MICU3: variants seen among roughly 807,000 people sequenced by gnomAD.
MICU3 encodes the protein mitochondrial calcium uptake 3.
In MICU3, 62 loss-of-function variants were observed where a neutral mutation model predicts 66.5. The observed-to-expected ratio is 0.93, with a 90% CI of 0.76 to 1.15. MICU3 has a LOEUF of 1.15. MICU3 is among the 50% of genes most tolerant of loss of function. MICU3 has a pLI of 0.00. For synonymous variants in MICU3, 308 were observed against 240.7 expected (o/e 1.28, Z -2.59); for missense variants, 779 against 664.4 (o/e 1.17, Z -1.90).
chr8:17,063,711 G>A (rs1055099339), intron 1 of MICU3, among the ~76,000 whole-genome samples: 4 of 152,130 alleles, frequency 2.6e-5, no homozygotes, highest in Non-Finnish European at 4.4e-5. Context: ...AAATACATTA[G>A]CCTATAAGAG....
At chr8:17,039,895 C>CTTTTTTTTTTTTTTTTTTTTTT (rs35133600) in intron 1 of MICU3, among the ~76,000 whole-genome samples, 1 of 62,492 alleles carries the variant, frequency 1.6e-5, no homozygotes, top group Admixed American at 2.9e-4. Flanking sequence ...ATCTTGCATT[C>CTTTTTTTTTTTTTTTTTTTTTT]TTTTTTTTTT....
chr8:17,085,200 C>T (rs2150738459), intron 5 of MICU3, 36 bp from the exon 6 acceptor site: 5 of 1,422,250 alleles, frequency 3.5e-6, no homozygotes, highest in Non-Finnish European at 4.9e-6. Flanking sequence ...ATACATTTTT[C>T]CATTTTGTGA....
At chr8:17,129,154 C>G in the MICU3 span, among the ~76,000 whole-genome samples, 5,633 of 152,284 alleles carry the variant, frequency 0.037, 150 homozygotes, top group Non-Finnish European at 0.056. Flanking sequence ...GCTATCCTAT[C>G]AGTACCGCAG....
Position 17,050,862 on chromosome 8 carries a change from G to A in MICU3, c.382-13222G>A, listed in dbSNP as rs1815954566. Among the ~76,000 whole-genome samples the A allele has an allele frequency of 3.3e-5, 5 of 152,032 alleles. No homozygotes were observed. In the East Asian group the frequency reaches 9.6e-4, roughly 29 times the overall value. On this transcript the variant is annotated intron_variant, in intron 1 of 14. Coordinates refer to ENST00000318063, the MANE Select transcript of MICU3 (RefSeq NM_181723.3). Reference sequence around the variant, plus strand: ...AGAGTTGCTCTTTTTCAATGGGGGGGTTTAAACCTATCCTATTTATTGTGA... The same window carrying A: ...AGAGTTGCTCTTTTTCAATGGGGGGATTTAAACCTATCCTATTTATTGTGA...
intron 1 of MICU3, among the ~76,000 whole-genome samples, chr8:17,042,906 A>G (rs1814415823): frequency 6.7e-6 from 1 of 149,108 alleles, no homozygotes; most frequent in East Asian, 2.0e-4. Context: ...TAGATGGTTT[A>G]AACTGCTTGT....
chr8:17,068,294 TC>T (rs1034320648), intron 2 of MICU3, among the ~76,000 whole-genome samples: 5 of 152,266 alleles, frequency 3.3e-5, no homozygotes, highest in South Asian at 2.1e-4. Flanking sequence ...TGGTGACATT[TC>T]CGACAGAATG....
intron 1 of MICU3, among the ~76,000 whole-genome samples, chr8:17,039,556 T>G (rs1813669764): frequency 1.3e-5 from 2 of 152,204 alleles, no homozygotes; most frequent in Admixed American, 6.5e-5. Context: ...TCAGTTTTAG[T>G]AAATATTTGG....
In MICU3 at chr8:17,086,265, A is replaced by G. The variant is rs544929586; in HGVS notation, c.778-699A>G. ...AGAAGCTGAAACTCAGAGGAAGTCT[A>G]TGACATCATTCTTTTTCTTAGTAGG... is the stretch of plus-strand genomic sequence containing the variant. On this transcript the variant is annotated intron_variant, in intron 6 of 14. Coordinates refer to ENST00000318063, the MANE Select transcript of MICU3 (RefSeq NM_181723.3). Among the ~76,000 whole-genome samples, 3 of 152,290 alleles carry G rather than the reference A, an allele frequency of 2.0e-5. No individual in the cohort carries two copies. In the South Asian group the frequency reaches 6.2e-4, roughly 32 times the overall value.
the MICU3 span, among the ~76,000 whole-genome samples, chr8:17,136,836 C>G: frequency 4.6e-5 from 7 of 150,568 alleles, no homozygotes; most frequent in Non-Finnish European, 8.9e-5. Flanking sequence ...GGGAGATAAA[C>G]CTTTTTTTTT....
intron 1 of MICU3, among the ~76,000 whole-genome samples, chr8:17,058,056 G>A (rs1250420791): frequency 6.6e-6 from 1 of 152,002 alleles, no homozygotes; most frequent in Non-Finnish European, 1.5e-5. Flanking sequence ...CACCATGTTG[G>A]CCAGGCTGGT....
Position 17,120,294 on chromosome 8 carries a change from C to A in MICU3, c.*7C>A, listed in dbSNP as rs1396146695. ...TATTATTTTTTTTAATTAGATACTC[C>A]TAAAACAAAGTTTAAAGGATTACTA... On this transcript the variant is annotated 3_prime_UTR_variant, in exon 15 of 15. Coordinates refer to ENST00000318063, the MANE Select transcript of MICU3 (RefSeq NM_181723.3). The A allele has an allele frequency of 6.6e-6, 1 of 151,690 alleles. No individual in the cohort carries two copies. Among genetic ancestry groups the A allele is most frequent in the Non-Finnish European group, 1.5e-5 (1 of 67,954 alleles). The allele number at this position is 151,690 out of a possible 1,614,324, so 9.4% of individuals were successfully genotyped here. A position where few individuals can be genotyped will look rare whatever the true frequency, so the allele number is the denominator to read the frequency against.
intron 8 of MICU3, 74 bp from the exon 9 acceptor site, chr8:17,098,384 A>C: frequency 9.8e-7 from 1 of 1,024,032 alleles, no homozygotes; most frequent in Non-Finnish European, 1.5e-6. Flanking sequence ...GGTTGGTTAG[A>C]TTTAAAGTGT....
intron 11 of MICU3, among the ~76,000 whole-genome samples, chr8:17,108,043 G>T (rs1801887960): frequency 6.6e-6 from 1 of 152,102 alleles, no homozygotes; most frequent in Non-Finnish European, 1.5e-5. Flanking sequence ...CATTTAAAAA[G>T]TAGAGCTGAT....
At chr8:17,123,765 T>C (rs1462240095), downstream of MICU3, among the ~76,000 whole-genome samples, 1 of 151,960 alleles carries the variant, frequency 6.6e-6, no homozygotes, top group Non-Finnish European at 1.5e-5. Context: ...CTGAAAAAAG[T>C]AGGAGGTCCA....
intron 3 of MICU3, among the ~76,000 whole-genome samples, chr8:17,072,244 CA>C (rs552866364): frequency 1.5e-3 from 224 of 152,140 alleles, no homozygotes; most frequent in African/African-American, 5.1e-3. Context: ...AATCCAGAAA[CA>C]GATCCAGGTA....
intron 11 of MICU3, among the ~76,000 whole-genome samples, chr8:17,105,866 T>C (rs149173242): frequency 5.7e-4 from 87 of 152,198 alleles, no homozygotes; most frequent in African/African-American, 2.1e-3. Context: ...AGAATTCCAC[T>C]TAGCTCTATG....
intron 1 of MICU3, among the ~76,000 whole-genome samples, chr8:17,045,290 G>T (rs1814885036): frequency 6.6e-6 from 1 of 151,976 alleles, no homozygotes; most frequent in Non-Finnish European, 1.5e-5. Flanking sequence ...CCTTTCACCT[G>T]CCCACAGCAG....
intron 1 of MICU3, among the ~76,000 whole-genome samples, chr8:17,030,957 A>C (rs1450009003): frequency 6.6e-6 from 1 of 151,986 alleles, no homozygotes; most frequent in Non-Finnish European, 1.5e-5. Flanking sequence ...TCTTTTCTCT[A>C]TCTTAGCTCT....
chr8:17,060,016 A>G (rs1325485672), intron 1 of MICU3, among the ~76,000 whole-genome samples: 1 of 152,256 alleles, frequency 6.6e-6, no homozygotes, highest in Non-Finnish European at 1.5e-5. Flanking sequence ...CTGTCATCAC[A>G]TATATTTTTA....
Sources: allele counts gnomAD v4.1 joint callset (sites outside exome capture counted in the v4.1 genomes callset), GRCh38; gene constraint gnomAD v4.1.1; transcripts MANE v1.5; gene names NCBI Gene and HGNC (gene_info 2026-07-23, HGNC 2026-07-21).